Variants in RAB11FIP4 observed in about 807,000 individuals in gnomAD.
RAB11FIP4 encodes the protein rab11 family-interacting protein 4.
A neutral mutation model predicts 74.3 loss-of-function variants in RAB11FIP4; 23 were observed. The observed-to-expected ratio is 0.31, with a 90% CI of 0.22 to 0.44. The LOEUF (loss-of-function observed/expected upper bound fraction) is 0.44. RAB11FIP4 is among the 20% of genes least tolerant of loss of function. RAB11FIP4 has a pLI of 1.00. For missense variants in RAB11FIP4, 630 were observed against 863.9 expected (o/e 0.73, Z 3.39); for synonymous variants, 360 against 359.9 (o/e 1.00, Z 0.00).
In RAB11FIP4 at chr17:31,434,518, CTGGTG is replaced by C. The variant is rs532520276; in HGVS notation, c.336+398_336+402del. ...GAATTCTCCAATTCTCTGACACTAA[CTGGTG>C]TCCAGCAATCAGTTCCACCTGCCAC... On this transcript the variant is annotated intron_variant, in intron 3 of 14. Coordinates refer to ENST00000621161, the MANE Select transcript of RAB11FIP4 (RefSeq NM_032932.6). Among the ~76,000 whole-genome samples the C allele has an allele frequency of 3.1e-4, 47 of 152,326 alleles. 1 individual carries two copies. In the South Asian group the frequency reaches 9.1e-3, roughly 30 times the overall value.
chr17:31,440,442 A>G (rs1222293593), intron 3 of RAB11FIP4, among the ~76,000 whole-genome samples: 1 of 152,208 alleles, frequency 6.6e-6, no homozygotes, highest in East Asian at 1.9e-4. Context: ...TTGATATCTG[A>G]TAGGGAAAGG....
At chr17:31,416,410 G>A (rs1173784077) in intron 1 of RAB11FIP4, among the ~76,000 whole-genome samples, 1 of 152,206 alleles carries the variant, frequency 6.6e-6, no homozygotes, top group African/African-American at 2.4e-5. Context: ...GACCCACTTT[G>A]GAAATGCCTC....
At chr17:31,446,329 C>T (rs891488436) in intron 3 of RAB11FIP4, among the ~76,000 whole-genome samples, 1 of 152,114 alleles carries the variant, frequency 6.6e-6, no homozygotes, top group Non-Finnish European at 1.5e-5. Flanking sequence ...CAGCTTCTGT[C>T]CCTTCTGGCA....
At chr17:31,409,924 T>G (rs1597901618) in intron 1 of RAB11FIP4, among the ~76,000 whole-genome samples, 1 of 152,180 alleles carries the variant, frequency 6.6e-6, no homozygotes, top group African/African-American at 2.4e-5. Flanking sequence ...CTAGATGGTT[T>G]GGGAGGCAGG....
intron 3 of RAB11FIP4, among the ~76,000 whole-genome samples, chr17:31,437,236 C>T (rs957724129): frequency 6.6e-5 from 10 of 152,080 alleles, no homozygotes; most frequent in South Asian, 2.1e-4. Context: ...TGGGCTTCTG[C>T]GTGTTGGCAG....
intron 3 of RAB11FIP4, among the ~76,000 whole-genome samples, chr17:31,482,026 G>C (rs920211565): frequency 6.6e-6 from 1 of 152,156 alleles, no homozygotes; most frequent in African/African-American, 2.4e-5. Context: ...CACAGTCCAA[G>C]ATCCTCTCCT....
intron 1 of RAB11FIP4, among the ~76,000 whole-genome samples, chr17:31,423,883 G>T (rs2071222520): frequency 6.6e-6 from 1 of 152,008 alleles, no homozygotes; most frequent in Non-Finnish European, 1.5e-5. Context: ...CCAGGTAAAA[G>T]ATTTTCCCTT....
intron 1 of RAB11FIP4, among the ~76,000 whole-genome samples, chr17:31,420,471 G>T (rs1226612233): frequency 6.6e-6 from 1 of 151,906 alleles, no homozygotes; most frequent in Non-Finnish European, 1.5e-5. Flanking sequence ...GGTCTCAAGC[G>T]ATCCTCCCAC....
intron 3 of RAB11FIP4, among the ~76,000 whole-genome samples, chr17:31,504,427 G>A (rs573114960): frequency 6.6e-6 from 1 of 151,980 alleles, no homozygotes; most frequent in Non-Finnish European, 1.5e-5. Context: ...CACCACGCCC[G>A]GCTAATTTTT....
chr17:31,484,697 A>C (rs998122641), intron 3 of RAB11FIP4, among the ~76,000 whole-genome samples: 5 of 151,910 alleles, frequency 3.3e-5, no homozygotes, highest in African/African-American at 9.7e-5. Flanking sequence ...CTCAAAAGTC[A>C]GGGTCCTAAA....
rs954156217 is a variant in RAB11FIP4 at position 31,435,543 on chromosome 17, C to A, written c.336+1421C>A. On this transcript the variant is annotated intron_variant, in intron 3 of 14. Transcript: ENST00000621161. ...AGAAGAGGATGATTTTGATTTCTTACCCAGCCCAACCCCCAAACCTTTTCC... is the reference window on the plus strand; with the variant it reads ...AGAAGAGGATGATTTTGATTTCTTAACCAGCCCAACCCCCAAACCTTTTCC... Among the ~76,000 whole-genome samples the A allele has an allele frequency of 2.6e-5, 4 of 152,280 alleles. No homozygotes were observed. The East Asian group carries it at 7.7e-4, about 29-fold the overall frequency.
intron 3 of RAB11FIP4, among the ~76,000 whole-genome samples, chr17:31,474,689 G>A (rs912790030): frequency 6.9e-6 from 1 of 144,862 alleles, no homozygotes; most frequent in African/African-American, 2.6e-5. Context: ...AAAAAAGAGA[G>A]AAAGTGTTTA....
At chr17:31,402,515 T>C (rs1475261495) in intron 1 of RAB11FIP4, among the ~76,000 whole-genome samples, 1 of 152,138 alleles carries the variant, frequency 6.6e-6, no homozygotes, top group Non-Finnish European at 1.5e-5. Context: ...TTTTATGATT[T>C]CTCACTTCCC....
At chr17:31,481,997 A>G (rs961812049) in intron 3 of RAB11FIP4, among the ~76,000 whole-genome samples, 8 of 152,140 alleles carry the variant, frequency 5.3e-5, no homozygotes, top group African/African-American at 1.7e-4. Flanking sequence ...AGTGTTTGCC[A>G]AGGGAAACAC....
chr17:31,528,220 G>A (rs1317967791), intron 11 of RAB11FIP4, among the ~76,000 whole-genome samples, 186 bp from the exon 12 acceptor site: 1 of 152,244 alleles, frequency 6.6e-6, no homozygotes, highest in Non-Finnish European at 1.5e-5. Flanking sequence ...GTTTTTAGTT[G>A]TATTTCTAGA....
At chr17:31,450,911 G>T (rs372365964) in intron 3 of RAB11FIP4, among the ~76,000 whole-genome samples, 15 of 150,548 alleles carry the variant, frequency 1.0e-4, no homozygotes, top group East Asian at 5.8e-4. Flanking sequence ...TCAGTAAATG[G>T]CACCACCTCC....
chr17:31,497,080 G>T (rs2072130258), intron 3 of RAB11FIP4, among the ~76,000 whole-genome samples: 2 of 152,168 alleles, frequency 1.3e-5, no homozygotes, highest in African/African-American at 2.4e-5. Flanking sequence ...AGACCCCTTT[G>T]TGGACAGGCA....
intron 3 of RAB11FIP4, among the ~76,000 whole-genome samples, chr17:31,504,265 G>T (rs1329639375): frequency 2.7e-5 from 4 of 149,338 alleles, no homozygotes; most frequent in Non-Finnish European, 1.5e-5. Context: ...CGAGTAGCTG[G>T]AACTACAGGC....
rs1220732116 is a variant in RAB11FIP4, at chr17:31,534,333, TC to T, written c.*2602del. Reference sequence around the variant, plus strand: ...CCCAGGCTGGAGTGTAGTGGTATGATCATAGCTCACCACAACCTTGAACTCC... The same window carrying T: ...CCCAGGCTGGAGTGTAGTGGTATGATATAGCTCACCACAACCTTGAACTCC... On this transcript the variant is annotated 3_prime_UTR_variant, in exon 15 of 15. Transcript: ENST00000621161. The T allele has an allele frequency of 6.6e-6, 1 of 152,202 alleles. No individual in the cohort carries two copies. The highest frequency in any genetic ancestry group is 1.5e-5 in the Non-Finnish European group (1 of 68,046). 9.4% of individuals were successfully genotyped at this position (152,202 alleles called of 1,614,324 possible).
Sources: gnomAD v4.1 joint callset for allele counts (sites outside exome capture counted in the v4.1 genomes callset) on GRCh38, gnomAD v4.1.1 for gene constraint, MANE v1.5 for transcripts, NCBI Gene and HGNC (gene_info 2026-07-23, HGNC 2026-07-21) for gene names.